ZMAT4: variants seen among roughly 807,000 people sequenced by gnomAD.
ZMAT4 encodes zinc finger matrin-type 4.
Under a neutral mutation model 28.7 loss-of-function variants are expected in ZMAT4, and 17 were observed. The observed-to-expected ratio is 0.59, with a 90% CI of 0.41 to 0.89. The LOEUF is 0.89. ZMAT4 is among the 40% of genes least tolerant of loss of function. ZMAT4 has a pLI of 0.00. For missense variants in ZMAT4, 240 were observed against 283.8 expected, an observed-to-expected ratio of 0.85 and a Z score of 1.11; for synonymous variants, 117 against 109.2, an observed-to-expected ratio of 1.07 and a Z score of -0.44.
chr8:40,667,541 C>G (rs1808472418), intron 5 of ZMAT4, among the ~76,000 whole-genome samples: 2 of 152,154 alleles, frequency 1.3e-5, no homozygotes, highest in South Asian at 4.1e-4. Flanking sequence ...TGATGCTAAT[C>G]ATCTCCACGT....
chr8:40,665,237 C>CAA (rs67794891), intron 5 of ZMAT4, among the ~76,000 whole-genome samples: 1 of 129,804 alleles, frequency 7.7e-6, no homozygotes, highest in South Asian at 2.4e-4. Flanking sequence ...AACACACACA[C>CAA]AAAAAAAACA....
chr8:40,618,501 C>T (rs892325701), intron 5 of ZMAT4, among the ~76,000 whole-genome samples: 1 of 152,096 alleles, frequency 6.6e-6, no homozygotes, highest in Non-Finnish European at 1.5e-5. Context: ...TTTAAGAGGA[C>T]GCAGTTTGTA....
At chr8:40,537,565 A>T (rs548890305) in intron 6 of ZMAT4, among the ~76,000 whole-genome samples, 86 of 152,340 alleles carry the variant, frequency 5.6e-4, no homozygotes, top group Non-Finnish European at 8.5e-4. Context: ...TCCTCTGCTT[A>T]TATAGAATTT....
chr8:40,749,758 A>C (rs1812381504), intron 3 of ZMAT4, among the ~76,000 whole-genome samples: 1 of 152,216 alleles, frequency 6.6e-6, no homozygotes, highest in Admixed American at 6.5e-5. Flanking sequence ...AATGCAATGC[A>C]TCAAAGGCGG....
chr8:40,565,060 G>A (rs1487326057), intron 6 of ZMAT4, among the ~76,000 whole-genome samples: 1 of 152,158 alleles, frequency 6.6e-6, no homozygotes, highest in Non-Finnish European at 1.5e-5. Flanking sequence ...TAGGGAGAAA[G>A]AATAATCAAA....
intron 3 of ZMAT4, among the ~76,000 whole-genome samples, chr8:40,736,043 G>T (rs1811747332): frequency 6.6e-6 from 1 of 152,210 alleles, no homozygotes; most frequent in South Asian, 2.1e-4. Flanking sequence ...AGTAGATGCA[G>T]TAATGCCACA....
intron 6 of ZMAT4, among the ~76,000 whole-genome samples, chr8:40,552,136 C>A (rs1803386368): frequency 6.6e-6 from 1 of 152,172 alleles, no homozygotes; most frequent in Non-Finnish European, 1.5e-5. Context: ...GGAAAGATTT[C>A]TCATAATAGC....
chr8:40,744,498 T>C (rs936183274), intron 3 of ZMAT4, among the ~76,000 whole-genome samples: 1 of 152,148 alleles, frequency 6.6e-6, no homozygotes, highest in African/African-American at 2.4e-5. Context: ...TGTGATAATA[T>C]TTACCCAAGG....
At chr8:40,726,541 A>G (rs960747602) in intron 3 of ZMAT4, among the ~76,000 whole-genome samples, 1 of 152,196 alleles carries the variant, frequency 6.6e-6, no homozygotes, top group Non-Finnish European at 1.5e-5. Context: ...AAGTAATCTC[A>G]TAGCTGTTCC....
intron 1 of ZMAT4, among the ~76,000 whole-genome samples, chr8:40,859,539 G>C (rs1817417275): frequency 6.6e-6 from 1 of 152,116 alleles, no homozygotes; most frequent in Non-Finnish European, 1.5e-5. Context: ...TACAGGCCCA[G>C]CTATTGCCTT....
intron 3 of ZMAT4, among the ~76,000 whole-genome samples, chr8:40,724,607 A>T (rs1180794616): frequency 2.0e-5 from 3 of 152,212 alleles, no homozygotes; most frequent in Non-Finnish European, 4.4e-5. Context: ...AAGAAGGAGA[A>T]TGACACATCA....
In ZMAT4 at chr8:40,725,347, G is replaced by A. The variant is rs188785265; in HGVS notation, c.193-27946C>T. Among the ~76,000 whole-genome samples, 8 of 152,200 alleles carry A rather than the reference G, an allele frequency of 5.3e-5. No homozygotes were observed. The South Asian group carries it at 8.3e-4, about 16-fold the overall frequency. ...TAATTAGAAACAAAGCTAATGTAAC[G>A]TCTTTCCTGAGGGGCCTTCCTCAGG... On this transcript the variant is annotated intron_variant, in intron 3 of 6. Transcript: ENST00000297737.
chr8:40,623,877 C>T lies in ZMAT4; in HGVS notation c.578-42616G>A, dbSNP rs552925706. Among the ~76,000 whole-genome samples, 31 of 152,330 alleles carry T rather than the reference C, an allele frequency of 2.0e-4. No homozygotes were observed. In the South Asian group the frequency reaches 4.8e-3, roughly 23 times the overall value. Reference sequence around the variant, plus strand: ...AATTGCCTTATTCTAGCAGAAGACACTTTCTGTGACTAGTGGCCCTTTGTC... The same window carrying T: ...AATTGCCTTATTCTAGCAGAAGACATTTTCTGTGACTAGTGGCCCTTTGTC... On this transcript the variant is annotated intron_variant, in intron 5 of 6. Coordinates refer to ENST00000297737, the MANE Select transcript of ZMAT4 (RefSeq NM_024645.3).
At chr8:40,610,154 A>T (rs750804018) in intron 5 of ZMAT4, among the ~76,000 whole-genome samples, 1 of 152,234 alleles carries the variant, frequency 6.6e-6, no homozygotes, top group Non-Finnish European at 1.5e-5. Flanking sequence ...AGAATCCACA[A>T]ATAGGTCCCC....
chr8:40,821,277 GT>G (rs77539632), intron 2 of ZMAT4, among the ~76,000 whole-genome samples: 17,853 of 151,934 alleles, frequency 0.12, 2,105 homozygotes, highest in East Asian at 0.49. Flanking sequence ...CTGGGAAACT[GT>G]TTTTTTACCC....
At chr8:40,678,734 C>T (rs940671346) in intron 4 of ZMAT4, among the ~76,000 whole-genome samples, 1 of 152,174 alleles carries the variant, frequency 6.6e-6, no homozygotes, top group Admixed American at 6.5e-5. Flanking sequence ...TCTTCTAGTA[C>T]ATTTTCACAA....
intron 2 of ZMAT4, among the ~76,000 whole-genome samples, chr8:40,820,941 G>T (rs1815794833): frequency 7.2e-6 from 1 of 138,326 alleles, no homozygotes; most frequent in South Asian, 2.4e-4. Flanking sequence ...GAAGTGGGGG[G>T]CATATATGTG....
At chr8:40,717,003 A>G (rs905775134) in intron 3 of ZMAT4, among the ~76,000 whole-genome samples, 4 of 152,236 alleles carry the variant, frequency 2.6e-5, no homozygotes, top group African/African-American at 9.6e-5. Context: ...CTCTCTGGAT[A>G]TAAAACTCTG....
At chr8:40,682,705 T>C (rs1196241377) in intron 4 of ZMAT4, among the ~76,000 whole-genome samples, 2 of 152,234 alleles carry the variant, frequency 1.3e-5, no homozygotes, top group African/African-American at 4.8e-5. Context: ...ATCAACCTTC[T>C]AAGTATAATC....
Sources: gnomAD v4.1 joint callset for allele counts (sites outside exome capture counted in the v4.1 genomes callset) on GRCh38, gnomAD v4.1.1 for gene constraint, MANE v1.5 for transcripts, NCBI Gene and HGNC (gene_info 2026-07-23, HGNC 2026-07-21) for gene names.